ACOXL: variants seen among roughly 807,000 people sequenced by gnomAD.
ACOXL encodes the protein acyl-CoA oxidase like, also known as acyl-coenzyme A oxidase-like protein.
Under a neutral mutation model 71.9 loss-of-function variants are expected in ACOXL, and 70 were observed. The observed-to-expected ratio is 0.97, with a 90% confidence interval of 0.80 to 1.19. The LOEUF (loss-of-function observed/expected upper bound fraction) is 1.19. Among genes scored for constraint, ACOXL ranks in the 50% most tolerant of loss-of-function variants. The probability of loss-of-function intolerance (pLI) is 0.00; values close to 1 mark genes in which losing one functional copy is unlikely to be tolerated. For synonymous variants in ACOXL, 253 were observed against 281.6 expected, an observed-to-expected ratio of 0.90 and a Z score of 1.02; for missense variants, 703 against 736.3, an observed-to-expected ratio of 0.95 and a Z score of 0.52.
At chr2:111,081,584 T>C (rs911497557) in intron 16 of ACOXL, among the ~76,000 whole-genome samples, 9 of 152,062 alleles carry the variant, frequency 5.9e-5, no homozygotes, top group African/African-American at 2.2e-4. Flanking sequence ...ATCATGAAAA[T>C]GGCCATACTG....
At chr2:110,887,968 C>T (rs951741325) in intron 10 of ACOXL, 1 of 152,186 alleles carries the variant, frequency 6.6e-6, no homozygotes, top group African/African-American at 2.4e-5. Context: ...AAGAAAAAGA[C>T]AATTATTTGA....
At chr2:110,755,890 G>A (rs1441567038) in intron 1 of ACOXL, among the ~76,000 whole-genome samples, 1 of 151,868 alleles carries the variant, frequency 6.6e-6, no homozygotes, top group East Asian at 1.9e-4. Context: ...AGTTTCTAGT[G>A]TGTCCTTAAA....
intron 12 of ACOXL, chr2:110,963,696 G>A (rs777393146): frequency 1.2e-5 from 20 of 1,613,446 alleles, no homozygotes; most frequent in African/African-American, 4.0e-5. Flanking sequence ...TGAAGGTGAC[G>A]ATGTTGTTAT....
intron 16 of ACOXL, among the ~76,000 whole-genome samples, chr2:111,058,042 G>A (rs746391427): frequency 6.6e-6 from 1 of 152,170 alleles, no homozygotes; most frequent in Non-Finnish European, 1.5e-5. Context: ...CACAGCTCTG[G>A]GGGCAGATTT....
intron 11 of ACOXL, among the ~76,000 whole-genome samples, chr2:110,912,569 A>G (rs1299471797): frequency 6.6e-6 from 1 of 152,160 alleles, no homozygotes; most frequent in African/African-American, 2.4e-5. Flanking sequence ...TTGATATGCA[A>G]AAAATGAAGT....
At chr2:110,781,391 C>A (rs1386265322) in intron 2 of ACOXL, among the ~76,000 whole-genome samples, 1 of 151,862 alleles carries the variant, frequency 6.6e-6, no homozygotes, top group Non-Finnish European at 1.5e-5. Context: ...CCTGTAATCC[C>A]AGCACTTTGG....
chr2:110,745,244 G>A (rs1559208647), intron 1 of ACOXL, among the ~76,000 whole-genome samples: 2 of 152,178 alleles, frequency 1.3e-5, no homozygotes, highest in East Asian at 1.9e-4. Context: ...TGTCCACCTC[G>A]TGGCCTTCAG....
intron 10 of ACOXL, among the ~76,000 whole-genome samples, chr2:110,885,394 C>T (rs966159740): frequency 1.3e-5 from 2 of 152,242 alleles, no homozygotes; most frequent in Admixed American, 1.3e-4. Context: ...CATAATTAAT[C>T]CCTGTAATAC....
chr2:111,056,218 G>T (rs2066529557), intron 16 of ACOXL, among the ~76,000 whole-genome samples: 1 of 149,598 alleles, frequency 6.7e-6, no homozygotes, highest in Non-Finnish European at 1.5e-5. Flanking sequence ...AAAAAAAGTT[G>T]GGAGAAGAAC....
At chr2:110,924,062 T>C (rs567776091) in intron 11 of ACOXL, among the ~76,000 whole-genome samples, 2 of 152,364 alleles carry the variant, frequency 1.3e-5, no homozygotes, top group South Asian at 4.1e-4. Flanking sequence ...AATTTTTTTG[T>C]TTCCCAGTGT....
chr2:111,031,816 G>T (rs2065285283), intron 15 of ACOXL, 102 bp downstream of exon 15: 1 of 1,186,552 alleles, frequency 8.4e-7, no homozygotes. Flanking sequence ...AACACACAGG[G>T]AAGGGACAGT....
In ACOXL at chr2:110,735,585, G is replaced by A. The variant is rs1232456949; in HGVS notation, c.-23+2811G>A. On this transcript the variant is annotated intron_variant, in intron 1 of 17. Coordinates refer to ENST00000439055, the MANE Select transcript of ACOXL (RefSeq NM_001142807.4). ...GTTCATTCCCAGGGTGCTGGCCATC[G>A]GCTCCCAGGGGCAATGTAGGCACAG... Among the ~76,000 whole-genome samples the A allele has an allele frequency of 3.3e-5, 5 of 152,180 alleles. No individual in the cohort carries two copies. The East Asian group carries it at 5.8e-4, about 18-fold the overall frequency.
At chr2:110,972,452 C>T (rs1558808598) in intron 12 of ACOXL, among the ~76,000 whole-genome samples, 1 of 152,188 alleles carries the variant, frequency 6.6e-6, no homozygotes, top group Non-Finnish European at 1.5e-5. Context: ...GGAAACACTT[C>T]TTGTATAAGT....
chr2:111,103,538 G>A (rs2069322348), intron 17 of ACOXL, among the ~76,000 whole-genome samples: 1 of 152,114 alleles, frequency 6.6e-6, no homozygotes, highest in African/African-American at 2.4e-5. Flanking sequence ...GACAACATAA[G>A]TAAAAATGTC....
intron 14 of ACOXL, among the ~76,000 whole-genome samples, chr2:111,019,476 AAGG>A (rs2064638550): frequency 6.6e-6 from 1 of 152,250 alleles, no homozygotes; most frequent in Non-Finnish European, 1.5e-5. Context: ...AAAAGGGAAG[AAGG>A]AGGAGAAATT....
In ACOXL at chr2:110,769,004, A is replaced by G. The variant is rs1018285904; in HGVS notation, c.75+540A>G. Among the ~76,000 whole-genome samples the G allele has an allele frequency of 5.3e-5, 8 of 151,692 alleles. No individual in the cohort carries two copies. In the South Asian group the frequency reaches 6.3e-4, roughly 12 times the overall value. ...CTCGGCCCACACATTCACTTCTCCA[A>G]TCTCACAGGCGAGGGAATAGGAGTA... On this transcript the variant is annotated intron_variant, in intron 2 of 17. Coordinates refer to ENST00000439055, the MANE Select transcript of ACOXL (RefSeq NM_001142807.4).
chr2:110,925,903 G>C (rs1384114907), intron 11 of ACOXL, among the ~76,000 whole-genome samples: 2 of 131,272 alleles, frequency 1.5e-5, no homozygotes, highest in East Asian at 4.7e-4. Context: ...GATCTAGAAA[G>C]ACATATGACT....
chr2:110,804,325 G>T (rs1054692176), intron 8 of ACOXL, among the ~76,000 whole-genome samples: 1 of 152,134 alleles, frequency 6.6e-6, no homozygotes. Flanking sequence ...AACAAGTGTT[G>T]GGGAGGATGT....
chr2:110,861,810 T>C (rs1222751123), intron 10 of ACOXL, among the ~76,000 whole-genome samples: 1 of 152,174 alleles, frequency 6.6e-6, no homozygotes, highest in Non-Finnish European at 1.5e-5. Context: ...CCCTTGTGTT[T>C]GTTTAGCAGG....
Sources: allele counts gnomAD v4.1 joint callset (sites outside exome capture counted in the v4.1 genomes callset), GRCh38; gene constraint gnomAD v4.1.1; transcripts MANE v1.5; gene names NCBI Gene and HGNC (gene_info 2026-07-23, HGNC 2026-07-21).